ACSBG2: variants seen among roughly 807,000 people sequenced by gnomAD.
ACSBG2 encodes the protein acyl-CoA synthetase bubblegum family member 2.
In ACSBG2, 62 loss-of-function variants were observed where a neutral mutation model predicts 74.7. That is an observed-to-expected ratio of 0.83 (90% confidence interval 0.68 to 1.03). The LOEUF is 1.03. Ranked by LOEUF, ACSBG2 falls within the 50% of genes least tolerant of loss-of-function variation. The pLI, the probability that ACSBG2 is intolerant of heterozygous loss-of-function variation, is 0.00. For missense variants in ACSBG2, 730 were observed against 817.6 expected (o/e 0.89, Z 1.31); for synonymous variants, 309 against 294.1 (o/e 1.05, Z -0.52).
At chr19:6,177,449 G>A in intron 8 of ACSBG2, 53 bp downstream of exon 8, 4 of 1,518,732 alleles carry the variant, frequency 2.6e-6, no homozygotes, top group Non-Finnish European at 3.5e-6. Flanking sequence ...GGGCAGCCCA[G>A]GTGAGTAGAT....
At position 6,187,415 on chromosome 19, in the gene ACSBG2, C is replaced by T. The variant is rs141620576; in HGVS notation, c.1673C>T (p.Thr558Met). ...CTGAAGTTTCTGAGCATGTTGCTGA[C>T]GCTGAAGGTAACATGGGTTTGCTGT... ...DKLKFLSMLL[T>M]LKCEMNQMSG... The change falls in exon 12 of 15, where the codon ACG (threonine) becomes ATG (methionine). Residue 558 changes from threonine (T) to methionine (M), a missense_variant. Coordinates refer to ENST00000588485, the MANE Select transcript of ACSBG2 (RefSeq NM_030924.5). The T allele has an allele frequency of 4.0e-5, 65 of 1,613,988 alleles. No homozygotes were observed. The highest frequency in any genetic ancestry group is 3.3e-4 in the Middle Eastern group (2 of 6,084).
At chr19:6,181,871 T>G (rs76504596) in intron 8 of ACSBG2, among the ~76,000 whole-genome samples, 18,921 of 128,782 alleles carry the variant, frequency 0.15, 2,838 homozygotes, top group African/African-American at 0.4. Flanking sequence ...GAGCATAAAT[T>G]TAAGGTTTTA....
At position 6,177,375 on chromosome 19, in the gene ACSBG2, T is replaced by C. The variant is rs868670018; in HGVS notation, c.885T>C (p.Phe295=). Reference sequence around the variant, plus strand: ...TAAAGATTGGGGCGCTCACATACTTTGCTCAAGCAGATGCTCTCAAGGTAA... The same window carrying C: ...TAAAGATTGGGGCGCTCACATACTTCGCTCAAGCAGATGCTCTCAAGGTAA... The part of the protein sequence containing the change: ...VPIKIGALTY[F]AQADALKGTL... Residue 295 remains phenylalanine (F), a synonymous_variant, in exon 8 of 15, where the codon TTT becomes TTC. Transcript: ENST00000588485. The C allele has an allele frequency of 1.5e-5, 24 of 1,603,382 alleles. No individual in the cohort carries two copies. The East Asian group carries it at 5.2e-4, about 35-fold the overall frequency.
At chr19:6,154,442 A>ATT (rs903203064) in intron 4 of ACSBG2, among the ~76,000 whole-genome samples, 1 of 135,152 alleles carries the variant, frequency 7.4e-6, no homozygotes, top group Non-Finnish European at 1.6e-5. Flanking sequence ...GAAAATTATT[A>ATT]TTATATATAT....
At chr19:6,141,954 C>T (rs577337982) in intron 2 of ACSBG2, among the ~76,000 whole-genome samples, 16 of 152,226 alleles carry the variant, frequency 1.1e-4, no homozygotes, top group Non-Finnish European at 1.9e-4. Context: ...TGGTCTTGAA[C>T]TCCTGGGCTC....
Position 6,182,210 on chromosome 19 carries a change from T to C in ACSBG2, c.907-541T>C, listed in dbSNP as rs200139285. Among the ~76,000 whole-genome samples the C allele has an allele frequency of 3.4e-5, 5 of 145,846 alleles. No individual in the cohort carries two copies. In the East Asian group the frequency reaches 9.9e-4, roughly 29 times the overall value. On this transcript the variant is annotated intron_variant, in intron 8 of 14. Coordinates refer to ENST00000588485, the MANE Select transcript of ACSBG2 (RefSeq NM_030924.5). ...TAAAGTCAGCTTGTCAATTTGTATT[T>C]AAAAAAAAAAAAACTTGCCTAGATT...
At chr19:6,166,144 T>G in intron 7 of ACSBG2, 129 bp downstream of exon 7, 1 of 1,181,308 alleles carries the variant, frequency 8.5e-7, no homozygotes, top group African/African-American at 1.5e-5. Context: ...GGTTAGAGAG[T>G]AGCGTAGTTG....
At chr19:6,165,798 C>T (rs895067036) in intron 6 of ACSBG2, 68 bp from the exon 7 acceptor site, 20 of 1,574,260 alleles carry the variant, frequency 1.3e-5, no homozygotes, top group Admixed American at 5.1e-5. Context: ...GCTGATAGGA[C>T]GAGGTCTGGC....
chr19:6,169,761 G>A (rs949916077), intron 7 of ACSBG2, among the ~76,000 whole-genome samples: 2 of 152,152 alleles, frequency 1.3e-5, no homozygotes, highest in African/African-American at 2.4e-5. Flanking sequence ...TTTCATCAAT[G>A]TTTTGAAAAG....
chr19:6,159,265 C>G (rs2089528609), intron 5 of ACSBG2, among the ~76,000 whole-genome samples: 1 of 152,122 alleles, frequency 6.6e-6, no homozygotes, highest in Non-Finnish European at 1.5e-5. Flanking sequence ...AAATTACTTT[C>G]TTAAGTGATG....
intron 3 of ACSBG2, 46 bp from the exon 4 acceptor site, chr19:6,151,661 T>A: frequency 6.6e-7 from 1 of 1,520,924 alleles, no homozygotes; most frequent in Non-Finnish European, 9.0e-7. Context: ...TGATATAACA[T>A]CTCTGTGTTT....
At chr19:6,190,439 G>C in intron 13 of ACSBG2, 145 bp from the exon 14 acceptor site, 1 of 645,000 alleles carries the variant, frequency 1.6e-6, no homozygotes, top group Non-Finnish European at 2.8e-6. Context: ...CATACAGATG[G>C]CAAAAGTTAC....
chr19:6,149,578 G>T (rs2145043349), intron 3 of ACSBG2, among the ~76,000 whole-genome samples: 1 of 150,270 alleles, frequency 6.7e-6, no homozygotes, highest in Non-Finnish European at 1.5e-5. Context: ...CACGATCTTG[G>T]CTCACTGCAG....
intron 3 of ACSBG2, among the ~76,000 whole-genome samples, 164 bp downstream of exon 3, chr19:6,147,839 G>A (rs1233441548): frequency 1.3e-5 from 2 of 152,124 alleles, no homozygotes; most frequent in African/African-American, 4.8e-5. Context: ...GTTCCTCTCT[G>A]TGGAAGCGGT....
chr19:6,151,393 G>A (rs968170199), intron 3 of ACSBG2, among the ~76,000 whole-genome samples: 1 of 151,994 alleles, frequency 6.6e-6, no homozygotes, highest in African/African-American at 2.4e-5. Context: ...CTGCAGCCTC[G>A]AACTCTAGGG....
chr19:6,151,113 CAAA>C (rs1332726831), intron 3 of ACSBG2, among the ~76,000 whole-genome samples: 8 of 58,952 alleles, frequency 1.4e-4, no homozygotes, highest in Admixed American at 3.9e-4. Flanking sequence ...GACTCTGTCT[CAAA>C]AAAAAAAAAA....
chr19:6,177,358 G>A lies in ACSBG2; in HGVS notation c.868G>A (p.Gly290Arg), dbSNP rs1176170014. The change falls in exon 8 of 15, where the codon GGG becomes AGG. Residue 290 changes from glycine (G) to arginine (R), a missense_variant. Transcript: ENST00000588485. ...MMDIWVPIKI[G>R]ALTYFAQADA... ...GGACATCTGGGTACCCATAAAGATT[G>A]GGGCGCTCACATACTTTGCTCAAGC... is the stretch of plus-strand genomic sequence containing the variant. 6.2e-7 allele frequency: 1 copy of A among 1,610,164 alleles called. No individual in the cohort carries two copies. Among genetic ancestry groups the A allele is most frequent in the Admixed American group, 1.7e-5 (1 of 59,134 alleles).
chr19:6,159,242 A>T lies in ACSBG2; in HGVS notation c.508-1973A>T, dbSNP rs183937776. On this transcript the variant is annotated intron_variant, in intron 5 of 14. Transcript: ENST00000588485. Reference sequence around the variant, plus strand: ...CAAAGTGCTGGGATTACAGGCATGAACCACTGCTCACAAAATTACTTTCTT... The same window carrying T: ...CAAAGTGCTGGGATTACAGGCATGATCCACTGCTCACAAAATTACTTTCTT... 9.7e-4 allele frequency among the ~76,000 whole-genome samples: 148 copies of T among 152,234 alleles called. 2 individuals carry two copies. In the Middle Eastern group the frequency reaches 0.031, roughly 31 times the overall value.
At chr19:6,160,067 C>T (rs4807841) in intron 5 of ACSBG2, among the ~76,000 whole-genome samples, 89,382 of 152,026 alleles carry the variant, frequency 0.59, 27,651 homozygotes, top group Admixed American at 0.68. Flanking sequence ...GAGACCCCAT[C>T]CCGCTTTCTT....
Sources: gnomAD v4.1 joint callset for allele counts (sites outside exome capture counted in the v4.1 genomes callset) on GRCh38, gnomAD v4.1.1 for gene constraint, MANE v1.5 for transcripts, NCBI Gene and HGNC (gene_info 2026-07-23, HGNC 2026-07-21) for gene names.